The following DNAH7 variants were observed in gnomAD, a reference collection of about 807,000 sequenced individuals.
The protein encoded by DNAH7 is axonemal beta dynein heavy chain 7.
DNAH7 carries 397 observed loss-of-function variants against 444.6 expected under a neutral mutation model. That is an observed-to-expected ratio of 0.89 (90% confidence interval 0.82 to 0.97). The LOEUF (loss-of-function observed/expected upper bound fraction) is 0.97. Ranked by LOEUF, DNAH7 falls within the 50% of genes least tolerant of loss-of-function variation. The pLI is 0.00. For synonymous variants in DNAH7, 1,636 were observed against 1,624.4 expected, an observed-to-expected ratio of 1.01 and a Z score of -0.17; for missense variants, 4,902 against 4,800.8, an observed-to-expected ratio of 1.02 and a Z score of -0.62.
intron 64 of DNAH7, 132 bp from the exon 65 acceptor site, chr2:195,738,259 G>C (rs1274814597): frequency 1.7e-5 from 13 of 750,558 alleles, no homozygotes; most frequent in Non-Finnish European, 2.4e-5. Flanking sequence ...ATTTTCACCA[G>C]CAGTGTTGTT....
intron 10 of DNAH7, among the ~76,000 whole-genome samples, chr2:196,011,343 C>T (rs1253806436): frequency 6.6e-6 from 1 of 151,846 alleles, no homozygotes; most frequent in Non-Finnish European, 1.5e-5. Flanking sequence ...GCTCAGAAGA[C>T]AAAATCTTGA....
intron 61 of DNAH7, among the ~76,000 whole-genome samples, chr2:195,761,254 T>C (rs986391697): frequency 2.0e-5 from 3 of 151,744 alleles, no homozygotes. Context: ...CAGAAGAAAC[T>C]AGTTAGCTAG....
At chr2:195,995,865 G>A (rs893714877) in intron 12 of DNAH7, among the ~76,000 whole-genome samples, 1 of 152,092 alleles carries the variant, frequency 6.6e-6, no homozygotes, top group African/African-American at 2.4e-5. Flanking sequence ...AGATTGCTTT[G>A]GCTATTCAGG....
At chr2:195,962,364 T>TG (rs946433964) in intron 17 of DNAH7, among the ~76,000 whole-genome samples, 6 of 152,330 alleles carry the variant, frequency 3.9e-5, no homozygotes, top group Admixed American at 3.3e-4. Flanking sequence ...GTTGGTTGGT[T>TG]GTTGTTGAGA....
chr2:195,913,293 G>C (rs969559067), intron 24 of DNAH7, among the ~76,000 whole-genome samples: 1 of 152,022 alleles, frequency 6.6e-6, no homozygotes, highest in Non-Finnish European at 1.5e-5. Flanking sequence ...AGGGAATAGA[G>C]ATATTTATTA....
chr2:195,984,849 A>G, intron 14 of DNAH7, 139 bp from the exon 15 acceptor site: 1 of 743,092 alleles, frequency 1.3e-6, no homozygotes, highest in Non-Finnish European at 2.2e-6. Context: ...AATAATTAAA[A>G]GCAAATTTGC....
chr2:195,885,578 C>G (rs773668182), intron 34 of DNAH7, among the ~76,000 whole-genome samples: 40 of 152,126 alleles, frequency 2.6e-4, no homozygotes, highest in Non-Finnish European at 5.1e-4. Flanking sequence ...ATATTGACCA[C>G]AGTAGAAGTG....
intron 27 of DNAH7, chr2:195,901,049 T>C (rs913209587): frequency 2.0e-5 from 3 of 152,232 alleles, no homozygotes; most frequent in Non-Finnish European, 2.9e-5. Flanking sequence ...GTTATGACTT[T>C]ATACCTTTTC....
chr2:195,870,118 T>C (rs1198841625), intron 40 of DNAH7, among the ~76,000 whole-genome samples: 1 of 152,210 alleles, frequency 6.6e-6, no homozygotes, highest in African/African-American at 2.4e-5. Context: ...CCTGCCTTCC[T>C]CTCTTTATGC....
At chr2:196,029,269 T>C (rs945328846) in intron 5 of DNAH7, among the ~76,000 whole-genome samples, 3 of 152,138 alleles carry the variant, frequency 2.0e-5, no homozygotes, top group African/African-American at 7.2e-5. Context: ...TTTGTTTGTT[T>C]GTTTGTTTTA....
At chr2:196,068,447 C>A in intron 1 of DNAH7, 1 of 554,362 alleles carries the variant, frequency 1.8e-6, no homozygotes, top group South Asian at 2.6e-5. Flanking sequence ...CTGTGGCTCC[C>A]CCTGCTGGCG....
Position 195,864,774 on chromosome 2 carries a change from A to C in DNAH7, c.6881T>G (p.Met2294Arg). ...REIADVDNLR[M>R]IVEIHLEEYN... is the part of the protein sequence containing the mutation. Reference sequence around the variant, plus strand: ...TTCTTCTAGGTGAATTTCTACTATCATTCGAAGATTATCCACATCTGCGAT... The same window carrying C: ...TTCTTCTAGGTGAATTTCTACTATCCTTCGAAGATTATCCACATCTGCGAT... The change falls in exon 41 of 65, where the codon ATG (methionine) becomes AGG (arginine). Residue 2294 changes from methionine to arginine, a missense_variant. Physicochemically the swap from Met to Arg is moderately conservative, Grantham distance 91. Transcript: ENST00000312428. 1.9e-6 allele frequency: 3 copies of C among 1,614,208 alleles called. No individual in the cohort carries two copies. Among genetic ancestry groups the C allele is most frequent in the Non-Finnish European group, 2.5e-6 (3 of 1,180,030 alleles).
rs960955306 is a variant in DNAH7 at position 195,881,306 on chromosome 2, T to C, written c.5961+489A>G. ...AGAGGGGCCCTCAAAAGTATCTTCA[T>C]TCTCCTCCACAGGCTGCATAAAGCT... On this transcript the variant is annotated intron_variant, in intron 36 of 64. Transcript: ENST00000312428. Among the ~76,000 whole-genome samples, 25 of 152,338 alleles carry C rather than the reference T, an allele frequency of 1.6e-4. 1 individual carries two copies. Among genetic ancestry groups the C allele is most frequent in the South Asian group, 1.2e-3 (6 of 4,826 alleles).
rs61502519 is a variant in DNAH7 at position 195,897,767 on chromosome 2, T to TA, written c.4549-3dup. 0.11 allele frequency: 127,933 copies of TA among 1,126,872 alleles called. 30 individuals are homozygous for TA. Among genetic ancestry groups the TA allele is most frequent in the East Asian group, 0.14 (5,142 of 36,046 alleles). 69.8% of individuals were successfully genotyped at this position (1,126,872 alleles called of 1,614,324 possible). On this transcript the variant is annotated splice_region_variant and splice_polypyrimidine_tract_variant and intron_variant, in intron 28 of 64. Coordinates refer to ENST00000312428, the MANE Select transcript of DNAH7 (RefSeq NM_018897.3). ...TTCATTTTCATTTGGATATTTCAGC[T>TA]AAAAAAAAAAAAAAAAACTCATGAG...
intron 22 of DNAH7, among the ~76,000 whole-genome samples, chr2:195,925,291 G>A (rs1688259940): frequency 1.3e-5 from 2 of 152,178 alleles, no homozygotes; most frequent in African/African-American, 4.8e-5. Context: ...CAAGCAGGGA[G>A]ATCCCAGGAG....
chr2:195,932,958 C>G (rs1158057691), intron 21 of DNAH7, among the ~76,000 whole-genome samples: 2 of 152,140 alleles, frequency 1.3e-5, no homozygotes, highest in Admixed American at 1.3e-4. Context: ...AAGATTCCCT[C>G]TTTTTCTATT....
intron 12 of DNAH7, among the ~76,000 whole-genome samples, chr2:195,989,235 C>T (rs1693136099): frequency 2.0e-5 from 3 of 152,146 alleles, no homozygotes. Flanking sequence ...TATGGTTGTA[C>T]TACCTGCAAT....
chr2:195,851,417 T>A (rs534043113), intron 46 of DNAH7, among the ~76,000 whole-genome samples: 1 of 152,302 alleles, frequency 6.6e-6, no homozygotes, highest in Non-Finnish European at 1.5e-5. Context: ...AGTGACTACT[T>A]GAATCAAGGG....
chr2:195,913,565 T>C (rs566884892), intron 24 of DNAH7, among the ~76,000 whole-genome samples: 2 of 152,324 alleles, frequency 1.3e-5, no homozygotes, highest in African/African-American at 4.8e-5. Context: ...AGTTTATGAA[T>C]CACATTAAAT....
Sources: allele counts gnomAD v4.1 joint callset (sites outside exome capture counted in the v4.1 genomes callset), GRCh38; gene constraint gnomAD v4.1.1; transcripts MANE v1.5; gene names NCBI Gene and HGNC (gene_info 2026-07-23, HGNC 2026-07-21).